Variants in ITGB7 observed in about 807,000 individuals in gnomAD.
The protein encoded by ITGB7 is integrin subunit beta 7, also known as integrin beta-7.
ITGB7 carries 55 observed loss-of-function variants against 83.4 expected under a neutral mutation model. That is an observed-to-expected ratio of 0.66 (90% CI 0.53 to 0.83). The LOEUF (loss-of-function observed/expected upper bound fraction) is 0.83. ITGB7 is among the 40% of genes least tolerant of loss of function. The pLI is 0.00. For synonymous variants in ITGB7, 454 were observed against 423.6 expected (o/e 1.07, Z -0.88); for missense variants, 921 against 1,046.7 (o/e 0.88, Z 1.66).
At chr12:53,192,602 T>C in intron 13 of ITGB7, 64 bp from the exon 14 acceptor site, 1 of 1,599,064 alleles carries the variant, frequency 6.3e-7, no homozygotes, top group Non-Finnish European at 8.6e-7. Context: ...CTTGCCCAAC[T>C]ACAAGCAGGA....
chr12:53,196,003 C>T (rs1220397996), intron 7 of ITGB7, 38 bp downstream of exon 7: 2 of 1,606,086 alleles, frequency 1.2e-6, no homozygotes, highest in Non-Finnish European at 1.7e-6. Flanking sequence ...AGAGGTGTGG[C>T]TGAAATGGGG....
At chr12:53,204,243 G>A (rs554865819) in intron 1 of ITGB7, among the ~76,000 whole-genome samples, 1 of 152,156 alleles carries the variant, frequency 6.6e-6, no homozygotes, top group East Asian at 1.9e-4. Context: ...ATCCAGGCAT[G>A]GTGGTGGTCT....
At chr12:53,198,074 C>T in intron 3 of ITGB7, 123 bp from the exon 4 acceptor site, 1 of 651,132 alleles carries the variant, frequency 1.5e-6, no homozygotes, top group East Asian at 3.1e-5. Context: ...TCCTTGAGTC[C>T]CTGATTCCCT....
Position 53,192,448 on chromosome 12 carries a change from C to T in ITGB7, c.2037G>A (p.Leu679=). ...ACCAGCCATCATCCAAGATAGGGGCCAAGGCCAGGGTCACATTGGTATGGG... is the reference window on the plus strand; with the variant it reads ...ACCAGCCATCATCCAAGATAGGGGCTAAGGCCAGGGTCACATTGGTATGGG... The part of the protein sequence containing the change: ...ACAHTNVTLA[L]APILDDGWCK... Residue 679 remains leucine, a synonymous_variant, in exon 14 of 16, where the codon TTG becomes TTA. Coordinates refer to ENST00000267082, the MANE Select transcript of ITGB7 (RefSeq NM_000889.3). 1 of 1,614,166 alleles carries T rather than the reference C, an allele frequency of 6.2e-7. No individual in the cohort carries two copies. Among genetic ancestry groups the T allele is most frequent in the Non-Finnish European group, 8.5e-7 (1 of 1,180,032 alleles).
intron 3 of ITGB7, among the ~76,000 whole-genome samples, chr12:53,198,394 G>A (rs1213098650): frequency 6.6e-6 from 1 of 151,022 alleles, no homozygotes; most frequent in Non-Finnish European, 1.5e-5. Context: ...AAAGTGCTGG[G>A]ATTACAGACG....
At chr12:53,193,571 T>C (rs1281597957) in intron 11 of ITGB7, 137 bp downstream of exon 11, 43 of 844,936 alleles carry the variant, frequency 5.1e-5, no homozygotes, top group African/African-American at 1.7e-5. Flanking sequence ...ATGGGAAGCT[T>C]CAAGGGATGA....
rs764263753 is a variant in ITGB7, at chr12:53,193,710, G to A, written c.1500C>T (p.Cys500=). Residue 500 remains cysteine, a splice_region_variant and synonymous_variant, in exon 11 of 16, where the codon TGC becomes TGT. Coordinates refer to ENST00000267082, the MANE Select transcript of ITGB7 (RefSeq NM_000889.3). ...TGAAGGGAAGAGGAGGCCCTCACCT[G>A]CATACACCACATTGTAGGTGTCCCT... The part of the protein sequence containing the change: ...DGQGHLQCGV[C]SCAPGRLGRL... 1 of 1,610,822 alleles carries A rather than the reference G, an allele frequency of 6.2e-7. No individual in the cohort carries two copies. Among genetic ancestry groups the A allele is most frequent in the East Asian group, 2.2e-5 (1 of 44,844 alleles).
rs780940762 is a variant in ITGB7, at chr12:53,192,341, C to G, written c.2144G>C (p.Arg715Thr). 2 of 1,614,038 alleles carry G rather than the reference C, an allele frequency of 1.2e-6. No homozygotes were observed. Among genetic ancestry groups the G allele is most frequent in the South Asian group, 2.2e-5 (2 of 91,062 alleles). Residue 715 changes from arginine (R) to threonine (T), a missense_variant, in exon 14 of 16, where the codon AGA (arginine) becomes ACA (threonine). Transcript: ENST00000267082. ...CCCTGCCCACTTACTTTCTTGGGGT[C>G]TCACTCTGAGCACGACCGTGCCTCT... is the stretch of plus-strand genomic sequence containing the variant. ...DARGTVVLRVRPQEKGADHTQ... is the reference protein window; with the variant it reads ...DARGTVVLRVTPQEKGADHTQ...
At chr12:53,199,057 ACTGTGTGCCTTTCTCCTGGGTCC>A (rs958351517) in intron 3 of ITGB7, among the ~76,000 whole-genome samples, 3 of 152,232 alleles carry the variant, frequency 2.0e-5, no homozygotes, top group Middle Eastern at 3.4e-3. Context: ...AGTCAGATTC[ACTGTGTGCCTTTCTCCTGGGTCC>A]CTGTGTGCCT....
intron 3 of ITGB7, 49 bp downstream of exon 3, chr12:53,200,188 TATACAC>T (rs372422595): frequency 2.1e-4 from 303 of 1,452,936 alleles, no homozygotes; most frequent in Middle Eastern, 1.7e-3. Flanking sequence ...TGCACATACA[TATACAC>T]ATACACATAC....
At chr12:53,195,504 C>T (rs1942125892) in intron 8 of ITGB7, 41 bp from the exon 9 acceptor site, 1 of 1,568,908 alleles carries the variant, frequency 6.4e-7, no homozygotes, top group African/African-American at 1.4e-5. Context: ...GGTCACAGCT[C>T]TAGGAAAATG....
intron 1 of ITGB7, among the ~76,000 whole-genome samples, chr12:53,204,007 C>G (rs976646541): frequency 1.3e-5 from 2 of 152,100 alleles, no homozygotes; most frequent in Non-Finnish European, 2.9e-5. Context: ...GTAGAAAGAA[C>G]CCAGATGTCC....
intron 9 of ITGB7, 67 bp from the exon 10 acceptor site, chr12:53,194,411 C>G (rs1450379826): frequency 6.6e-6 from 10 of 1,522,542 alleles, no homozygotes; most frequent in South Asian, 3.5e-5. Context: ...ACCTTATGTC[C>G]TCTCCAGGTG....
In ITGB7 at chr12:53,191,465, A is replaced by C; in HGVS notation, c.*91T>G. The C allele has an allele frequency of 9.9e-7, 1 of 1,007,488 alleles. No homozygotes were observed. Among genetic ancestry groups the C allele is most frequent in the Non-Finnish European group, 1.6e-6 (1 of 629,146 alleles). 62.4% of individuals were successfully genotyped at this position (1,007,488 alleles called of 1,614,324 possible). A position where few individuals can be genotyped will look rare whatever the true frequency, so the allele number is the denominator to read the frequency against. ...CACCTCGCCAGTGAATTAGTCCCCT[A>C]CCAAGGTCTTACAGACCCACCCTTC... On this transcript the variant is annotated 3_prime_UTR_variant, in exon 16 of 16. Coordinates refer to ENST00000267082, the MANE Select transcript of ITGB7 (RefSeq NM_000889.3).
rs777177526 is a variant in ITGB7 at position 53,192,313 on chromosome 12, C to T, written c.2155+17G>A. On this transcript the variant is annotated intron_variant, in intron 14 of 15. Coordinates refer to ENST00000267082, the MANE Select transcript of ITGB7 (RefSeq NM_000889.3). ...CCCATCAAACTTCCAGGGTTTGTGG[C>T]ATCCCTGCCCACTTACTTTCTTGGG... 8 of 1,612,550 alleles carry T rather than the reference C, an allele frequency of 5.0e-6. No homozygotes were observed. Among genetic ancestry groups the T allele is most frequent in the Non-Finnish European group, 5.9e-6 (7 of 1,178,944 alleles).
chr12:53,194,033 A>G (rs781533183), intron 10 of ITGB7, 132 bp from the exon 11 acceptor site: 149 of 1,310,238 alleles, frequency 1.1e-4, no homozygotes, highest in Non-Finnish European at 1.5e-4. Flanking sequence ...ACTCCTAGAA[A>G]CATGCCTGAG....
intron 8 of ITGB7, 64 bp downstream of exon 8, chr12:53,195,562 T>C (rs2120448549): frequency 1.3e-6 from 2 of 1,535,114 alleles, no homozygotes; most frequent in East Asian, 2.2e-5. Context: ...GGAGAATGTA[T>C]CTTTGGGGGA....
chr12:53,206,208 A>G (rs750923308), intron 1 of ITGB7, among the ~76,000 whole-genome samples: 1 of 151,674 alleles, frequency 6.6e-6, no homozygotes, highest in Non-Finnish European at 1.5e-5. Flanking sequence ...GGCTCCTTTC[A>G]TTTCAAAACT....
intron 1 of ITGB7, among the ~76,000 whole-genome samples, chr12:53,204,545 T>G (rs1380930797): frequency 6.6e-6 from 1 of 152,030 alleles, no homozygotes; most frequent in Admixed American, 6.6e-5. Flanking sequence ...GAAGGTAGAT[T>G]AGTGGTTACC....
Sources: gnomAD v4.1 joint callset for allele counts (sites outside exome capture counted in the v4.1 genomes callset) on GRCh38, gnomAD v4.1.1 for gene constraint, MANE v1.5 for transcripts, NCBI Gene and HGNC (gene_info 2026-07-23, HGNC 2026-07-21) for gene names.